Variants in KCNMB2 observed in about 807,000 individuals in gnomAD.
KCNMB2 encodes the protein calcium-activated potassium channel subunit beta-2.
A neutral mutation model predicts 24.5 loss-of-function variants in KCNMB2; 9 were observed. The ratio of observed to expected loss-of-function variants is 0.37; its 90% CI spans 0.22 to 0.64. KCNMB2 has a LOEUF of 0.64. Ranked by LOEUF, KCNMB2 falls within the 30% of genes least tolerant of loss-of-function variation. The pLI is 0.63. For synonymous variants in KCNMB2, 109 were observed against 104.4 expected, an observed-to-expected ratio of 1.04 and a Z score of -0.27; for missense variants, 226 against 284.3, an observed-to-expected ratio of 0.79 and a Z score of 1.47.
At chr3:178,653,416 C>T (rs747763889) in intron 1 of KCNMB2, among the ~76,000 whole-genome samples, 2 of 151,730 alleles carry the variant, frequency 1.3e-5, no homozygotes, top group Non-Finnish European at 2.9e-5. Flanking sequence ...AATTCTTATT[C>T]TTTATTTATT....
At chr3:178,627,421 G>T (rs1317912020) in intron 1 of KCNMB2, among the ~76,000 whole-genome samples, 2 of 152,124 alleles carry the variant, frequency 1.3e-5, no homozygotes, top group East Asian at 3.9e-4. Context: ...ACAGTCCAGA[G>T]CCTCATTATA....
intron 1 of KCNMB2, among the ~76,000 whole-genome samples, chr3:178,791,821 G>T (rs2108440655): frequency 6.7e-6 from 1 of 148,234 alleles, no homozygotes; most frequent in East Asian, 2.0e-4. Flanking sequence ...GCCAGGAGAG[G>T]GTGGCATGAC....
rs1389642109 is a variant in KCNMB2, at chr3:178,796,152, T to G, written c.-67-11191T>G. On this transcript the variant is annotated intron_variant, in intron 1 of 4. Transcript: ENST00000452583. Reference sequence around the variant, plus strand: ...ACAGAAACTTGGAAAAAGAAGAAAATGTATAAAAAGAGACAAAGAAGGTCA... The same window carrying G: ...ACAGAAACTTGGAAAAAGAAGAAAAGGTATAAAAAGAGACAAAGAAGGTCA... 3.3e-5 allele frequency among the ~76,000 whole-genome samples: 5 copies of G among 151,448 alleles called. No homozygotes were observed. The South Asian group carries it at 6.3e-4, about 19-fold the overall frequency.
intron 1 of KCNMB2, chr3:178,757,124 A>C (rs1269447549): frequency 6.7e-6 from 1 of 149,914 alleles, no homozygotes; most frequent in Non-Finnish European, 1.5e-5. Flanking sequence ...TTTCTCCTTA[A>C]GTTTATTTCC....
At chr3:178,714,555 C>T (rs532401285) in intron 1 of KCNMB2, among the ~76,000 whole-genome samples, 6 of 152,154 alleles carry the variant, frequency 3.9e-5, no homozygotes, top group Non-Finnish European at 7.4e-5. Flanking sequence ...GATGTAGACT[C>T]GGGAGAAAGC....
In KCNMB2 at chr3:178,764,033, T is replaced by A. The variant is rs147596169; in HGVS notation, c.-67-43310T>A. Among the ~76,000 whole-genome samples the A allele has an allele frequency of 3.1e-3, 467 of 152,302 alleles. 3 individuals are homozygous for A. The highest frequency in any genetic ancestry group is 0.011 in the African/African-American group (447 of 41,566). ...AGAAACAAGGCTCAAGATAACTAAATGTTCAAGGTTAGATGATAAATGAAG... is the reference window on the plus strand; with the variant it reads ...AGAAACAAGGCTCAAGATAACTAAAAGTTCAAGGTTAGATGATAAATGAAG... On this transcript the variant is annotated intron_variant, in intron 1 of 4. Coordinates refer to ENST00000452583, the MANE Select transcript of KCNMB2 (RefSeq NM_181361.3).
intron 2 of KCNMB2, among the ~76,000 whole-genome samples, chr3:178,809,168 G>A (rs1470810515): frequency 6.6e-6 from 1 of 152,192 alleles, no homozygotes; most frequent in Non-Finnish European, 1.5e-5. Context: ...CAGAAAGACA[G>A]AGGTTTGGTC....
At chr3:178,646,933 T>A (rs2108554809) in intron 1 of KCNMB2, among the ~76,000 whole-genome samples, 1 of 152,350 alleles carries the variant, frequency 6.6e-6, no homozygotes, top group South Asian at 2.1e-4. Flanking sequence ...CTTCTCCATA[T>A]ATAGTATTGT....
chr3:178,568,894 A>AGATAGAT (rs1553813643), intron 1 of KCNMB2, among the ~76,000 whole-genome samples: 38 of 127,632 alleles, frequency 3.0e-4, no homozygotes, highest in Non-Finnish European at 5.1e-4. Context: ...ATAGATAGAT[A>AGATAGAT]GATAGATGGA....
chr3:178,784,200 T>C (rs1316171418), intron 1 of KCNMB2, among the ~76,000 whole-genome samples: 2 of 152,216 alleles, frequency 1.3e-5, no homozygotes, highest in African/African-American at 4.8e-5. Context: ...TATTAGTACC[T>C]ATCATGTTCC....
At chr3:178,783,362 A>T (rs1486642386) in intron 1 of KCNMB2, among the ~76,000 whole-genome samples, 1 of 149,196 alleles carries the variant, frequency 6.7e-6, no homozygotes, top group Non-Finnish European at 1.5e-5. Context: ...GATGGCATTG[A>T]ATCTGTAAAT....
intron 1 of KCNMB2, among the ~76,000 whole-genome samples, chr3:178,669,233 GCTT>G (rs1720819395): frequency 6.6e-6 from 1 of 152,144 alleles, no homozygotes; most frequent in Non-Finnish European, 1.5e-5. Flanking sequence ...AATTCAGGCT[GCTT>G]CTTAATTTAT....
At chr3:178,672,250 T>G (rs1720925066) in intron 1 of KCNMB2, among the ~76,000 whole-genome samples, 1 of 152,208 alleles carries the variant, frequency 6.6e-6, no homozygotes, top group Non-Finnish European at 1.5e-5. Flanking sequence ...GTCACATGGA[T>G]TCCTTACCAC....
intron 1 of KCNMB2, among the ~76,000 whole-genome samples, chr3:178,598,743 T>C (rs1717970319): frequency 1.3e-5 from 2 of 151,908 alleles, no homozygotes; most frequent in Non-Finnish European, 2.9e-5. Flanking sequence ...CCTCATTTGG[T>C]CCATGTGTGG....
At chr3:178,822,126 G>A (rs1050982067) in intron 2 of KCNMB2, among the ~76,000 whole-genome samples, 17 of 152,126 alleles carry the variant, frequency 1.1e-4, no homozygotes, top group African/African-American at 4.1e-4. Context: ...AAACTCATCT[G>A]CCTCTTTTTC....
intron 1 of KCNMB2, among the ~76,000 whole-genome samples, chr3:178,544,896 T>C (rs888873757): frequency 6.6e-6 from 1 of 152,214 alleles, no homozygotes; most frequent in Admixed American, 6.5e-5. Context: ...ACTAGAACTA[T>C]ATTAAGTATA....
chr3:178,631,173 G>A (rs1012195414), intron 1 of KCNMB2, among the ~76,000 whole-genome samples: 34 of 152,056 alleles, frequency 2.2e-4, no homozygotes, highest in Admixed American at 2.0e-4. Flanking sequence ...ATGGTTCATC[G>A]GGGTAAAAGT....
At chr3:178,677,292 G>A (rs532000626) in intron 1 of KCNMB2, among the ~76,000 whole-genome samples, 5 of 152,172 alleles carry the variant, frequency 3.3e-5, no homozygotes, top group South Asian at 4.1e-4. Context: ...TTTTCCTAAC[G>A]AAAACACCAG....
intron 1 of KCNMB2, among the ~76,000 whole-genome samples, chr3:178,795,560 C>G (rs2108443671): frequency 6.6e-6 from 1 of 152,276 alleles, no homozygotes; most frequent in Admixed American, 6.5e-5. Context: ...GAGGGCCCTC[C>G]TCAGGCTTCT....
Sources: allele counts gnomAD v4.1 joint callset (sites outside exome capture counted in the v4.1 genomes callset), GRCh38; gene constraint gnomAD v4.1.1; transcripts MANE v1.5; gene names NCBI Gene and HGNC (gene_info 2026-07-23, HGNC 2026-07-21).